Variants in SMNDC1 observed in about 807,000 individuals in gnomAD.
SMNDC1 encodes the protein survival of motor neuron-related-splicing factor 30.
Under a neutral mutation model 29.2 loss-of-function variants are expected in SMNDC1, and 5 were observed. The ratio of observed to expected loss-of-function variants is 0.17; its 90% CI spans 0.09 to 0.36. The LOEUF (loss-of-function observed/expected upper bound fraction) is 0.36. Among genes scored for constraint, SMNDC1 ranks in the 10% least tolerant of loss-of-function variants. The pLI is 1.00. For synonymous variants in SMNDC1, 80 were observed against 89.9 expected (o/e 0.89, Z 0.62); for missense variants, 142 against 268.5 (o/e 0.53, Z 3.29).
chr10:110,303,676 G>C, intron 1 of SMNDC1, 89 bp from the exon 2 acceptor site: 1 of 1,357,950 alleles, frequency 7.4e-7, no homozygotes, highest in Non-Finnish European at 9.9e-7. Flanking sequence ...TGAATTACCA[G>C]TTTTTGCCTC....
intron 2 of SMNDC1, chr10:110,300,612 C>T: frequency 1.0e-6 from 1 of 985,430 alleles, no homozygotes; most frequent in Non-Finnish European, 1.2e-6. Flanking sequence ...AGATGGGCAG[C>T]AGTTACAGTA....
intron 2 of SMNDC1, among the ~76,000 whole-genome samples, chr10:110,300,304 CAAAGA>C (rs950327298): frequency 2.6e-5 from 4 of 152,098 alleles, no homozygotes; most frequent in Non-Finnish European, 5.9e-5. Flanking sequence ...TATATTTCAT[CAAAGA>C]AAAGGGTCCT....
Position 110,293,056 on chromosome 10 carries a change from ACTTT to A in SMNDC1, c.*1090_*1093del, listed in dbSNP as rs922600901. On this transcript the variant is annotated 3_prime_UTR_variant, in exon 6 of 6. Coordinates refer to ENST00000369603, the MANE Select transcript of SMNDC1 (RefSeq NM_005871.4). ...AACACACCCTGGAGATTTTAAAAAC[ACTTT>A]ATTTAATAAAAGTTAAACATACAAA... 1 of 152,232 alleles carries A rather than the reference ACTTT, an allele frequency of 6.6e-6. No individual in the cohort carries two copies. The highest frequency in any genetic ancestry group is 2.4e-5 in the African/African-American group (1 of 41,450). 9.4% of individuals were successfully genotyped at this position (152,232 alleles called of 1,614,324 possible).
In SMNDC1 at chr10:110,291,040, T is replaced by C. The variant is rs145075745; in HGVS notation, c.*3110A>G. On this transcript the variant is annotated 3_prime_UTR_variant, in exon 6 of 6. Transcript: ENST00000369603. ...CCCTTCATTGTGACAACAAGCAATTTTTTAAAAAAAATGTGTTGCTACAGT... is the reference window on the plus strand; with the variant it reads ...CCCTTCATTGTGACAACAAGCAATTCTTTAAAAAAAATGTGTTGCTACAGT... The C allele has an allele frequency of 3.6e-3, 554 of 152,308 alleles. 2 individuals are homozygous for C. The highest frequency in any genetic ancestry group is 0.013 in the African/African-American group (524 of 41,564). The allele number at this position is 152,308 out of a possible 1,614,324, so 9.4% of individuals were successfully genotyped here.
intron 3 of SMNDC1, 71 bp from the exon 4 acceptor site, chr10:110,297,799 G>C (rs1361156067): frequency 3.8e-6 from 5 of 1,309,040 alleles, no homozygotes; most frequent in African/African-American, 1.5e-5. Flanking sequence ...TTATACTGTA[G>C]TGATAAAATT....
intron 4 of SMNDC1, among the ~76,000 whole-genome samples, chr10:110,295,832 G>C (rs886416322): frequency 6.6e-6 from 1 of 152,122 alleles, no homozygotes; most frequent in African/African-American, 2.4e-5. Flanking sequence ...AGTAGAGATA[G>C]GGTTTCACCA....
intron 4 of SMNDC1, 108 bp downstream of exon 4, chr10:110,297,459 G>C (rs891649472): frequency 2.0e-6 from 2 of 1,006,100 alleles, no homozygotes; most frequent in Non-Finnish European, 2.9e-6. Context: ...TCAAAACAAC[G>C]GTAAAACAGT....
chr10:110,302,153 G>A (rs765517574), intron 2 of SMNDC1, among the ~76,000 whole-genome samples: 3 of 152,144 alleles, frequency 2.0e-5, no homozygotes, highest in Non-Finnish European at 2.9e-5. Context: ...ATAAGAGGTC[G>A]GTGTGCCTCT....
At chr10:110,302,235 A>T (rs1320810173) in intron 2 of SMNDC1, among the ~76,000 whole-genome samples, 2 of 152,186 alleles carry the variant, frequency 1.3e-5, no homozygotes, top group Non-Finnish European at 2.9e-5. Context: ...CCACTGGGTT[A>T]TTTCTCACTT....
At position 110,304,917 on chromosome 10, in the gene SMNDC1, G is replaced by A. The variant is rs1336053969; in HGVS notation, c.-170C>T. The A allele has an allele frequency of 6.6e-6, 1 of 152,382 alleles. No homozygotes were observed. The highest frequency in any genetic ancestry group is 1.9e-4 in the East Asian group (1 of 5,206). 9.4% of individuals were successfully genotyped at this position (152,382 alleles called of 1,614,324 possible). ...CGGTCGGCGGCGAGGGGGAAGGGAG[G>A]AACGCCGGGCACTGGAAGGAGGAAA... On this transcript the variant is annotated 5_prime_UTR_variant, in exon 1 of 6. Transcript: ENST00000369603.
rs540783015 is a variant in SMNDC1, at chr10:110,292,875, G to T, written c.*1275C>A. On this transcript the variant is annotated 3_prime_UTR_variant, in exon 6 of 6. Transcript: ENST00000369603. Reference sequence around the variant, plus strand: ...CATCCTATAAACACAGGCCTGGTTTGCCCTTTAAGATCCAATTTCTTCTAA... The same window carrying T: ...CATCCTATAAACACAGGCCTGGTTTTCCCTTTAAGATCCAATTTCTTCTAA... 1.3e-4 allele frequency: 20 copies of T among 152,218 alleles called. No individual in the cohort carries two copies. The highest frequency in any genetic ancestry group is 1.3e-3 in the Admixed American group (20 of 15,286). 9.4% of individuals were successfully genotyped at this position (152,218 alleles called of 1,614,324 possible). A position where few individuals can be genotyped will look rare whatever the true frequency, so the allele number is the denominator to read the frequency against.
At chr10:110,302,810 A>AG (rs1247170239) in intron 2 of SMNDC1, among the ~76,000 whole-genome samples, 1 of 152,174 alleles carries the variant, frequency 6.6e-6, no homozygotes, top group Non-Finnish European at 1.5e-5. Context: ...ATCCCAGTGC[A>AG]GGTTTTCAAA....
chr10:110,303,663 G>C (rs1857692606), intron 1 of SMNDC1, 76 bp from the exon 2 acceptor site: 3 of 1,457,756 alleles, frequency 2.1e-6, no homozygotes, highest in Non-Finnish European at 2.7e-6. Context: ...TCCCCTGTCT[G>C]CCTGAATTAC....
In SMNDC1 at chr10:110,302,764, AG is replaced by A. The variant is rs200590323; in HGVS notation, c.120+703del. ...TCAGTCTGGTGTCCTGAAACACAAA[AG>A]GTATTTACTATGATGGCTCTATGTT... On this transcript the variant is annotated intron_variant, in intron 2 of 5. Coordinates refer to ENST00000369603, the MANE Select transcript of SMNDC1 (RefSeq NM_005871.4). 5.6e-3 allele frequency among the ~76,000 whole-genome samples: 848 copies of A among 152,318 alleles called. 7 individuals are homozygous for A. The highest frequency in any genetic ancestry group is 0.019 in the African/African-American group (801 of 41,572).
chr10:110,299,011 G>C (rs569428230), intron 2 of SMNDC1, among the ~76,000 whole-genome samples: 2 of 152,188 alleles, frequency 1.3e-5, no homozygotes, highest in South Asian at 4.1e-4. Context: ...CCATATAGTT[G>C]CCTTTCAACT....
In SMNDC1 at chr10:110,291,509, T is replaced by A. The variant is rs1299088429; in HGVS notation, c.*2641A>T. ...TGCTATTCAAGTTAAGGAAAAAATATCAGATAATTCACCACTGCCACTCTG... is the reference window on the plus strand; with the variant it reads ...TGCTATTCAAGTTAAGGAAAAAATAACAGATAATTCACCACTGCCACTCTG... On this transcript the variant is annotated 3_prime_UTR_variant, in exon 6 of 6. Transcript: ENST00000369603. The A allele has an allele frequency of 6.6e-6, 1 of 152,208 alleles. No homozygotes were observed. The highest frequency in any genetic ancestry group is 1.9e-4 in the East Asian group (1 of 5,204). The allele number at this position is 152,208 out of a possible 1,614,324, so 9.4% of individuals were successfully genotyped here.
chr10:110,304,050 A>G (rs1857700134), intron 1 of SMNDC1: 1 of 154,222 alleles, frequency 6.5e-6, no homozygotes, highest in African/African-American at 2.4e-5. Context: ...CTTTACTTGA[A>G]CTATTCAATT....
chr10:110,294,241 A>T lies in SMNDC1; in HGVS notation c.626T>A (p.Val209Asp). ...AGCAATTCCACAGGTTCCTACTCCA[A>T]CTTTACCAGTCACACTCTCAGGTGA... ...FASPESVTGK[V>D]GVGTCGIADK... Residue 209 changes from valine to aspartate, a missense_variant, in exon 6 of 6, where the codon GTT becomes GAT. By Grantham distance (152) the Val-to-Asp change is radical. This residue lies in a region of SMNDC1 where 54 missense variants were observed against 152.1 expected (regional missense o/e 0.36). Transcript: ENST00000369603. 1 of 1,608,612 alleles carries T rather than the reference A, an allele frequency of 6.2e-7. No individual in the cohort carries two copies. Among genetic ancestry groups the T allele is most frequent in the Non-Finnish European group, 8.5e-7 (1 of 1,177,502 alleles).
chr10:110,297,619 C>A lies in SMNDC1; in HGVS notation c.373G>T (p.Val125Leu), dbSNP rs764582723. 1 of 1,614,012 alleles carries A rather than the reference C, an allele frequency of 6.2e-7. No homozygotes were observed. The highest frequency in any genetic ancestry group is 1.1e-5 in the South Asian group (1 of 91,082). ...EVTPLLNLKPVEEGRKAKEDS... is the reference protein window; with the variant it reads ...EVTPLLNLKPLEEGRKAKEDS... ...TCCTTTGCCTTCCTTCCTTCTTCTA[C>A]AGGCTTGAGGTTCAACAGTGGAGTC... The change falls in exon 4 of 6, where the codon GTA becomes TTA. Residue 125 changes from valine to leucine, a missense_variant. This residue lies in a region of SMNDC1 where 54 missense variants were observed against 152.1 expected (regional missense o/e 0.36). Coordinates refer to ENST00000369603, the MANE Select transcript of SMNDC1 (RefSeq NM_005871.4).
Sources: allele counts gnomAD v4.1 joint callset (sites outside exome capture counted in the v4.1 genomes callset), GRCh38; gene constraint gnomAD v4.1.1; regional missense constraint gnomAD v4.1.1; transcripts MANE v1.5; gene names NCBI Gene and HGNC (gene_info 2026-07-23, HGNC 2026-07-21).